The following GRAMD1C variants were observed in gnomAD, a reference collection of about 807,000 sequenced individuals.
GRAMD1C encodes the protein GRAM domain containing 1C.
Under a neutral mutation model 97.8 loss-of-function variants are expected in GRAMD1C, and 89 were observed. That is an observed-to-expected ratio of 0.91 (90% confidence interval 0.77 to 1.09). The LOEUF is 1.09. Ranked by LOEUF, GRAMD1C falls within the 50% of genes least tolerant of loss-of-function variation. The probability of loss-of-function intolerance (pLI) is 0.00; values close to 1 mark genes in which losing one functional copy is unlikely to be tolerated. For missense variants in GRAMD1C, 740 were observed against 766.4 expected (o/e 0.97, Z 0.41); for synonymous variants, 256 against 267.0 (o/e 0.96, Z 0.40).
chr3:113,886,178 C>T (rs1177141350), intron 6 of GRAMD1C: 7 of 1,433,220 alleles, frequency 4.9e-6, no homozygotes, highest in Non-Finnish European at 6.4e-6. Context: ...CCTGGGAGCC[C>T]TACACTCCAC....
At chr3:113,853,146 G>A (rs965196034) in intron 2 of GRAMD1C, among the ~76,000 whole-genome samples, 1 of 152,120 alleles carries the variant, frequency 6.6e-6, no homozygotes, top group Non-Finnish European at 1.5e-5. Context: ...AGAACACCAG[G>A]CAGATTTGAA....
intron 2 of GRAMD1C, among the ~76,000 whole-genome samples, chr3:113,868,845 G>T (rs1276855130): frequency 6.6e-6 from 1 of 152,170 alleles, no homozygotes; most frequent in African/African-American, 2.4e-5. Context: ...CTTTTGTTCA[G>T]CTAGGAATAT....
chr3:113,885,366 C>T (rs1935432924), intron 6 of GRAMD1C: 1 of 1,592,450 alleles, frequency 6.3e-7, no homozygotes, highest in East Asian at 2.2e-5. Flanking sequence ...TCTGGAGCTT[C>T]TTCATTTACC....
chr3:113,843,408 C>T (rs35725939), intron 1 of GRAMD1C, among the ~76,000 whole-genome samples: 2 of 148,296 alleles, frequency 1.3e-5, no homozygotes, highest in African/African-American at 4.9e-5. Flanking sequence ...CTCCTCCTTA[C>T]TCCCCTATTC....
At chr3:113,865,335 C>A (rs1934544441) in intron 2 of GRAMD1C, among the ~76,000 whole-genome samples, 1 of 152,072 alleles carries the variant, frequency 6.6e-6, no homozygotes, top group Non-Finnish European at 1.5e-5. Context: ...CGGGGACAAA[C>A]CATATTCAAA....
At chr3:113,936,588 T>C (rs1937582862) in intron 14 of GRAMD1C, 146 bp downstream of exon 14, 2 of 553,550 alleles carry the variant, frequency 3.6e-6, no homozygotes, top group Admixed American at 3.5e-5. Context: ...TGATTTCCTT[T>C]AAGATAACTA....
chr3:113,886,851 G>A (rs1298516628), intron 6 of GRAMD1C, among the ~76,000 whole-genome samples: 1 of 131,348 alleles, frequency 7.6e-6, no homozygotes, highest in Non-Finnish European at 1.5e-5. Flanking sequence ...GCCTGATCTC[G>A]GCTCACTGCA....
intron 2 of GRAMD1C, among the ~76,000 whole-genome samples, chr3:113,847,166 ACT>A (rs1181034261): frequency 6.6e-6 from 1 of 152,180 alleles, no homozygotes; most frequent in African/African-American, 2.4e-5. Context: ...GATAGCAGAA[ACT>A]CAAAAAAAGT....
chr3:113,864,006 C>T (rs1160414502), intron 2 of GRAMD1C, among the ~76,000 whole-genome samples: 1 of 152,228 alleles, frequency 6.6e-6, no homozygotes, highest in Non-Finnish European at 1.5e-5. Flanking sequence ...TTATGCTCTG[C>T]TTCCCTTTGA....
At chr3:113,882,482 T>C (rs984095759) in intron 5 of GRAMD1C, among the ~76,000 whole-genome samples, 3 of 152,142 alleles carry the variant, frequency 2.0e-5, no homozygotes, top group African/African-American at 7.2e-5. Context: ...TAAACATAAA[T>C]AGCTACCTAT....
intron 10 of GRAMD1C, among the ~76,000 whole-genome samples, chr3:113,918,621 A>G (rs1407271807): frequency 6.6e-6 from 1 of 152,228 alleles, no homozygotes; most frequent in Admixed American, 6.5e-5. Flanking sequence ...AAGCTTTACT[A>G]CAAAAGAGAA....
At chr3:113,912,015 C>T (rs1481106597) in intron 9 of GRAMD1C, among the ~76,000 whole-genome samples, 1 of 152,200 alleles carries the variant, frequency 6.6e-6, no homozygotes, top group African/African-American at 2.4e-5. Context: ...GCATGAGCCA[C>T]CGCACCTGGC....
chr3:113,873,302 A>G (rs575003357), intron 3 of GRAMD1C, among the ~76,000 whole-genome samples: 13 of 152,122 alleles, frequency 8.5e-5, no homozygotes. Context: ...CACTCAAAAA[A>G]GTCTGCTGAT....
chr3:113,919,476 A>C (rs944363120), intron 10 of GRAMD1C: 11 of 523,202 alleles, frequency 2.1e-5, no homozygotes, highest in Middle Eastern at 5.7e-4. Flanking sequence ...AGTAATGCTC[A>C]TGAATTTATA....
rs994336870 is a variant in GRAMD1C, at chr3:113,881,417, C to T, written c.460-1335C>T. ...AGGTGATCCACCCATCTCGGCCTCCCGAAATGCTGGGATTACAGGCATGAG... is the reference window on the plus strand; with the variant it reads ...AGGTGATCCACCCATCTCGGCCTCCTGAAATGCTGGGATTACAGGCATGAG... On this transcript the variant is annotated intron_variant, in intron 5 of 17. Transcript: ENST00000358160. Among the ~76,000 whole-genome samples the T allele has an allele frequency of 3.3e-5, 5 of 152,322 alleles. 1 individual carries two copies. In the South Asian group the frequency reaches 1.0e-3, roughly 32 times the overall value.
intron 9 of GRAMD1C, among the ~76,000 whole-genome samples, chr3:113,912,133 C>T (rs572662404): frequency 1.3e-5 from 2 of 152,172 alleles, no homozygotes; most frequent in South Asian, 4.2e-4. Context: ...TCAGTCCATA[C>T]CAATAATCTA....
chr3:113,921,855 A>G (rs1937070386), intron 10 of GRAMD1C, among the ~76,000 whole-genome samples: 2 of 151,956 alleles, frequency 1.3e-5, no homozygotes, highest in South Asian at 4.2e-4. Flanking sequence ...TAGATTCTGG[A>G]TGTTAGAGCA....
intron 1 of GRAMD1C, among the ~76,000 whole-genome samples, chr3:113,833,116 CTTTCTTTTTT>C (rs1456480372): frequency 7.7e-6 from 1 of 129,812 alleles, no homozygotes; most frequent in African/African-American, 2.9e-5. Context: ...TTCTTTCTTT[CTTTCTTTTTT>C]TTTTTTTTTG....
At chr3:113,876,106 G>A (rs1211354762) in intron 4 of GRAMD1C, 59 bp from the exon 5 acceptor site, 1 of 760,210 alleles carries the variant, frequency 1.3e-6, no homozygotes, top group Non-Finnish European at 2.3e-6. Context: ...GGGATACTTG[G>A]CATTTTGTAT....
Sources: gnomAD v4.1 joint callset for allele counts (sites outside exome capture counted in the v4.1 genomes callset) on GRCh38, gnomAD v4.1.1 for gene constraint, MANE v1.5 for transcripts, NCBI Gene and HGNC (gene_info 2026-07-23, HGNC 2026-07-21) for gene names.